Variants in GLT8D2 observed in about 807,000 individuals in gnomAD.
GLT8D2 encodes the protein glycosyltransferase 8 domain containing 2.
GLT8D2 carries 45 observed loss-of-function variants against 44.5 expected under a neutral mutation model. The observed-to-expected ratio is 1.01, with a 90% CI of 0.80 to 1.30. GLT8D2 has a LOEUF of 1.30. Among genes scored for constraint, GLT8D2 ranks in the 50% most tolerant of loss-of-function variants. The probability of loss-of-function intolerance (pLI) is 0.00; values close to 1 mark genes in which losing one functional copy is unlikely to be tolerated. For synonymous variants in GLT8D2, 156 were observed against 157.2 expected, an observed-to-expected ratio of 0.99 and a Z score of 0.06; for missense variants, 400 against 430.4, an observed-to-expected ratio of 0.93 and a Z score of 0.62.
chr12:104,022,002 G>T (rs1273918066), intron 1 of GLT8D2, among the ~76,000 whole-genome samples: 1 of 68,928 alleles, frequency 1.5e-5, no homozygotes, highest in Admixed American at 1.7e-4. Context: ...AGAAGAAGAA[G>T]AAGAAGAAGA....
chr12:104,005,149 T>A (rs1001099343), intron 4 of GLT8D2, among the ~76,000 whole-genome samples: 1 of 152,174 alleles, frequency 6.6e-6, no homozygotes, highest in African/African-American at 2.4e-5. Context: ...CCCTATTTAA[T>A]AAATGGTGAT....
chr12:104,023,228 C>G (rs971235964), intron 1 of GLT8D2, among the ~76,000 whole-genome samples: 12 of 152,192 alleles, frequency 7.9e-5, no homozygotes, highest in Non-Finnish European at 1.8e-4. Context: ...CAGCAAACCA[C>G]CATGGCACAC....
At chr12:104,003,397 G>A (rs1874518958) in intron 4 of GLT8D2, 91 bp from the exon 5 acceptor site, 3 of 1,100,656 alleles carry the variant, frequency 2.7e-6, no homozygotes, top group Non-Finnish European at 4.1e-6. Flanking sequence ...GGGGAAGATG[G>A]CATAGTGTGG....
At chr12:103,992,315 A>G (rs1872841908) in intron 10 of GLT8D2, among the ~76,000 whole-genome samples, 1 of 152,248 alleles carries the variant, frequency 6.6e-6, no homozygotes, top group African/African-American at 2.4e-5. Context: ...GTACAGAGTC[A>G]ACTGCTTTTT....
Position 103,996,739 on chromosome 12 carries a change from A to G in GLT8D2, c.596T>C (p.Leu199Pro). The change falls in exon 8 of 11, where the codon CTT becomes CCT. Residue 199 changes from leucine to proline, a missense_variant. By Grantham distance (98) the Leu-to-Pro change is moderately conservative. Transcript: ENST00000360814. ...SAQDINRLVGLQNTYMGYLDY... is the reference protein window; with the variant it reads ...SAQDINRLVGPQNTYMGYLDY... ...TCTGAGACAGCATATGCCCACCTGA[A>G]GTCCCACGAGTCTGTTTATGTCCTG... 1.2e-6 allele frequency: 2 copies of G among 1,609,994 alleles called. No individual in the cohort carries two copies. Among genetic ancestry groups the G allele is most frequent in the South Asian group, 2.2e-5 (2 of 90,748 alleles).
At chr12:104,018,046 T>G (rs765789738) in intron 3 of GLT8D2, among the ~76,000 whole-genome samples, 2 of 152,146 alleles carry the variant, frequency 1.3e-5, no homozygotes, top group Non-Finnish European at 2.9e-5. Flanking sequence ...CTCAGCTCAC[T>G]GTAACCTCAA....
intron 1 of GLT8D2, among the ~76,000 whole-genome samples, chr12:104,035,710 G>C (rs1284987435): frequency 1.3e-5 from 2 of 152,204 alleles, no homozygotes; most frequent in Non-Finnish European, 2.9e-5. Context: ...ACCTGAAAGT[G>C]ACGGGGAGAA....
intron 1 of GLT8D2, among the ~76,000 whole-genome samples, chr12:104,021,834 AAAGG>A (rs1877684159): frequency 6.8e-6 from 1 of 146,478 alleles, no homozygotes; most frequent in Non-Finnish European, 1.5e-5. Context: ...AGAAAGAGAG[AAAGG>A]AAGGAAGGAG....
At chr12:104,030,118 T>C (rs1879071224) in intron 1 of GLT8D2, among the ~76,000 whole-genome samples, 1 of 152,156 alleles carries the variant, frequency 6.6e-6, no homozygotes, top group African/African-American at 2.4e-5. Context: ...ATCCAAAAAG[T>C]ATGGTACTGA....
chr12:104,029,170 G>A (rs569709790), intron 1 of GLT8D2, among the ~76,000 whole-genome samples: 1 of 152,086 alleles, frequency 6.6e-6, no homozygotes, highest in African/African-American at 2.4e-5. Context: ...TGCACCTGTA[G>A]TCCCAGCTAC....
intron 1 of GLT8D2, among the ~76,000 whole-genome samples, chr12:104,026,382 C>T (rs1185373816): frequency 2.0e-5 from 3 of 152,002 alleles, no homozygotes; most frequent in Non-Finnish European, 4.4e-5. Flanking sequence ...CCAAACATTT[C>T]CCCAAATTCT....
chr12:103,992,197 G>A (rs1872821929), intron 10 of GLT8D2, among the ~76,000 whole-genome samples: 1 of 152,188 alleles, frequency 6.6e-6, no homozygotes, highest in Non-Finnish European at 1.5e-5. Flanking sequence ...TCTATGCTAA[G>A]CAATTTACAT....
chr12:104,043,161 C>T (rs1262536706), intron 1 of GLT8D2, among the ~76,000 whole-genome samples: 1 of 152,202 alleles, frequency 6.6e-6, no homozygotes, highest in East Asian at 1.9e-4. Flanking sequence ...CAGTCTCTTT[C>T]ACTGGTTGCT....
At chr12:103,993,338 C>T (rs1031541072) in intron 10 of GLT8D2, 54 bp downstream of exon 10, 4 of 1,394,052 alleles carry the variant, frequency 2.9e-6, no homozygotes, top group Non-Finnish European at 4.1e-6. Context: ...CTCAAAAATA[C>T]AAAAATAAAA....
intron 1 of GLT8D2, among the ~76,000 whole-genome samples, chr12:104,042,719 G>A (rs1880689354): frequency 6.6e-6 from 1 of 152,170 alleles, no homozygotes; most frequent in Non-Finnish European, 1.5e-5. Flanking sequence ...AAGAAGAATT[G>A]TCTTGGGCCA....
At chr12:104,000,013 C>T (rs954196214) in intron 5 of GLT8D2, among the ~76,000 whole-genome samples, 101 of 152,218 alleles carry the variant, frequency 6.6e-4, no homozygotes, top group African/African-American at 2.3e-3. Flanking sequence ...CATCTGTCTT[C>T]GTTCCCCTTC....
intron 4 of GLT8D2, among the ~76,000 whole-genome samples, chr12:104,004,283 G>C (rs1442735674): frequency 6.6e-6 from 1 of 152,088 alleles, no homozygotes; most frequent in East Asian, 1.9e-4. Context: ...ATACTGAATG[G>C]GCAAAAGCTG....
intron 1 of GLT8D2, chr12:104,031,617 A>C: frequency 6.7e-7 from 1 of 1,485,628 alleles, no homozygotes; most frequent in South Asian, 1.2e-5. Flanking sequence ...TCCCACCTGC[A>C]CATGTCACAC....
chr12:103,992,491 C>CTT (rs1232659471), intron 10 of GLT8D2, among the ~76,000 whole-genome samples: 9,892 of 129,898 alleles, frequency 0.076, 437 homozygotes, highest in Middle Eastern at 0.1. Context: ...CTCTCTCTCT[C>CTT]TTTTTTTTTT....
Sources: gnomAD v4.1 joint callset for allele counts (sites outside exome capture counted in the v4.1 genomes callset) on GRCh38, gnomAD v4.1.1 for gene constraint, MANE v1.5 for transcripts, NCBI Gene and HGNC (gene_info 2026-07-23, HGNC 2026-07-21) for gene names.